The following SLC71A2 variants were observed in gnomAD, a reference collection of about 807,000 sequenced individuals.
SLC71A2 encodes solute carrier family 71 member 2.
At chr9:94,397,915 A>G in the SLC71A2 span, among the ~76,000 whole-genome samples, 2 of 152,176 alleles carry the variant, frequency 1.3e-5, no homozygotes, top group Non-Finnish European at 2.9e-5. Context: ...TCTCCACTGT[A>G]AAGTTGCTCT....
chr9:94,380,236 A>C, the SLC71A2 span, among the ~76,000 whole-genome samples: 3 of 151,848 alleles, frequency 2.0e-5, no homozygotes, highest in African/African-American at 4.8e-5. Flanking sequence ...GTGCCACTGC[A>C]CTCCAGCCTG....
chr9:94,415,706 T>C, the SLC71A2 span, among the ~76,000 whole-genome samples: 1 of 151,994 alleles, frequency 6.6e-6, no homozygotes, highest in Non-Finnish European at 1.5e-5. Flanking sequence ...CTTAGACCCC[T>C]AACATGCACA....
chr9:94,420,134 C>T, the SLC71A2 span, among the ~76,000 whole-genome samples: 1 of 152,128 alleles, frequency 6.6e-6, no homozygotes, highest in African/African-American at 2.4e-5. Context: ...GAGTGTGTTC[C>T]AGTCTCTTAT....
the SLC71A2 span, among the ~76,000 whole-genome samples, chr9:94,388,763 C>A: frequency 6.6e-6 from 1 of 152,022 alleles, no homozygotes; most frequent in Non-Finnish European, 1.5e-5. Flanking sequence ...AATATAATTT[C>A]TTGCCTGTTT....
At chr9:94,404,111 C>T in the SLC71A2 span, among the ~76,000 whole-genome samples, 3 of 152,086 alleles carry the variant, frequency 2.0e-5, no homozygotes, top group East Asian at 3.8e-4. Flanking sequence ...TTTGGACTTC[C>T]CTGCCTCCAA....
chr9:94,397,902 A>T, the SLC71A2 span, among the ~76,000 whole-genome samples: 9 of 152,180 alleles, frequency 5.9e-5, no homozygotes, highest in Non-Finnish European at 8.8e-5. Flanking sequence ...TGTTTATCAG[A>T]TTTCTCCACT....
At chr9:94,458,194 A>C in the SLC71A2 span, 1 of 618,902 alleles carries the variant, frequency 1.6e-6, no homozygotes, top group Non-Finnish European at 2.5e-6. Flanking sequence ...TACTTTCATT[A>C]GCATGCTTTC....
At chr9:94,418,113 G>A in the SLC71A2 span, among the ~76,000 whole-genome samples, 1 of 152,038 alleles carries the variant, frequency 6.6e-6, no homozygotes, top group African/African-American at 2.4e-5. Flanking sequence ...CGCCCGCCTC[G>A]GGCTCCCAGA....
At chr9:94,411,623 G>T in the SLC71A2 span, among the ~76,000 whole-genome samples, 1 of 147,970 alleles carries the variant, frequency 6.8e-6, no homozygotes, top group African/African-American at 2.5e-5. Flanking sequence ...AGAGTTTCGT[G>T]CTTGTTGCCC....
the SLC71A2 span, among the ~76,000 whole-genome samples, chr9:94,385,609 G>A: frequency 2.6e-5 from 4 of 152,192 alleles, no homozygotes; most frequent in Non-Finnish European, 4.4e-5. Context: ...TGCTCTAACA[G>A]CATTTGTTCA....
At chr9:94,444,074 T>C in the SLC71A2 span, among the ~76,000 whole-genome samples, 31 of 152,378 alleles carry the variant, frequency 2.0e-4, no homozygotes, top group African/African-American at 7.2e-4. Flanking sequence ...GAATTTTTTA[T>C]TGCCAGAAAT....
the SLC71A2 span, among the ~76,000 whole-genome samples, chr9:94,406,258 T>G: frequency 2.0e-5 from 3 of 152,020 alleles, no homozygotes; most frequent in Non-Finnish European, 2.9e-5. Flanking sequence ...TATTATTTTT[T>G]GAAACAGAGT....
At chr9:94,383,621 A>AT in the SLC71A2 span, among the ~76,000 whole-genome samples, 1 of 152,140 alleles carries the variant, frequency 6.6e-6, no homozygotes, top group Admixed American at 6.5e-5. Flanking sequence ...CAATCTTGTT[A>AT]TTTTTTAAAG....
the SLC71A2 span, among the ~76,000 whole-genome samples, chr9:94,442,465 C>A: frequency 5.3e-5 from 8 of 152,090 alleles, no homozygotes; most frequent in African/African-American, 1.9e-4. Flanking sequence ...TAAAAAGGGG[C>A]ATCTTCAGAG....
chr9:94,441,494 C>T, the SLC71A2 span, among the ~76,000 whole-genome samples: 2 of 152,168 alleles, frequency 1.3e-5, no homozygotes, highest in Non-Finnish European at 2.9e-5. Flanking sequence ...GAGAAACTAC[C>T]CCCATGATCC....
At chr9:94,418,747 T>A in the SLC71A2 span, among the ~76,000 whole-genome samples, 1 of 148,102 alleles carries the variant, frequency 6.8e-6, no homozygotes, top group Non-Finnish European at 1.5e-5. Flanking sequence ...GCCCATACTT[T>A]CCTTTAATTC....
the SLC71A2 span, chr9:94,460,976 G>A: frequency 6.6e-6 from 1 of 151,474 alleles, no homozygotes; most frequent in Non-Finnish European, 1.5e-5. Flanking sequence ...TTCTCTGTTG[G>A]GTGGCTTTCA....
At chr9:94,457,872 G>A in the SLC71A2 span, among the ~76,000 whole-genome samples, 1 of 152,146 alleles carries the variant, frequency 6.6e-6, no homozygotes, top group Non-Finnish European at 1.5e-5. Flanking sequence ...TAGGAATTTG[G>A]CACTTCTGGG....
the SLC71A2 span, among the ~76,000 whole-genome samples, chr9:94,431,860 T>C: frequency 2.6e-5 from 4 of 151,944 alleles, no homozygotes; most frequent in African/African-American, 9.7e-5. Flanking sequence ...GAGGAGAGAG[T>C]GTTTGGCCCG....
Sources: gnomAD v4.1 joint callset for allele counts (sites outside exome capture counted in the v4.1 genomes callset) on GRCh38, gnomAD v4.1.1 for gene constraint, MANE v1.5 for transcripts, NCBI Gene and HGNC (gene_info 2026-07-23, HGNC 2026-07-21) for gene names.